Variants in TLR4 observed in about 807,000 individuals in gnomAD.
The protein encoded by TLR4 is toll like receptor 4.
TLR4 carries 17 observed loss-of-function variants against 27.4 expected under a neutral mutation model. That is an observed-to-expected ratio of 0.62 (90% CI 0.42 to 0.93). The LOEUF (loss-of-function observed/expected upper bound fraction) is 0.93, where lower values mean the gene tolerates loss of function less well. Ranked by LOEUF, TLR4 falls within the 40% of genes least tolerant of loss-of-function variation. TLR4 has a pLI of 0.00. For synonymous variants in TLR4, 363 were observed against 365.7 expected, an observed-to-expected ratio of 0.99 and a Z score of 0.08; for missense variants, 926 against 962.3, an observed-to-expected ratio of 0.96 and a Z score of 0.50.
At position 117,712,966 on chromosome 9, in the gene TLR4, CT is replaced by C. The variant is rs1829262809; in HGVS notation, c.839del (p.Leu280ArgfsTer4). The stretch of plus-strand genomic sequence containing the variant: ...GTTTGACAAATCTGCTCTAGAGGGC[CT>C]GTGCAATTTGACCATTGAAGAATTC... ...EKFDKSALEG[L>X]CNLTIEEFRL... On this transcript the variant is annotated frameshift_variant, in exon 3 of 3. Coordinates refer to ENST00000355622, the MANE Select transcript of TLR4 (RefSeq NM_138554.5). LOFTEE classifies it low-confidence loss of function (END_TRUNC). 1 of 1,613,948 alleles carries C rather than the reference CT, an allele frequency of 6.2e-7. No homozygotes were observed. The highest frequency in any genetic ancestry group is 1.3e-5 in the African/African-American group (1 of 74,906).
Position 117,712,664 on chromosome 9 carries a change from A to T in TLR4, c.536A>T (p.His179Leu). Reference protein sequence around the residue: ...EYFSNLTNLEHLDLSSNKIQS... With the variant: ...EYFSNLTNLELLDLSSNKIQS... ...TTTTCTAATCTGACCAATCTAGAGC[A>T]CTTGGACCTTTCCAGCAACAAGATT... Residue 179 changes from histidine to leucine, a missense_variant, in exon 3 of 3, where the codon CAC (histidine) becomes CTC (leucine). Physicochemically the swap from His to Leu is moderately conservative, Grantham distance 99. Coordinates refer to ENST00000355622, the MANE Select transcript of TLR4 (RefSeq NM_138554.5). The T allele has an allele frequency of 6.2e-7, 1 of 1,613,662 alleles. No individual in the cohort carries two copies. Among genetic ancestry groups the T allele is most frequent in the South Asian group, 1.1e-5 (1 of 90,652 alleles).
chr9:117,707,793 C>T (rs1430860575), intron 1 of TLR4, among the ~76,000 whole-genome samples: 1 of 152,202 alleles, frequency 6.6e-6, no homozygotes, highest in African/African-American at 2.4e-5. Context: ...ATGCAGTTGT[C>T]AAAATCTGGG....
intron 1 of TLR4, 38 bp downstream of exon 1, chr9:117,704,603 A>T (rs775597927): frequency 6.4e-7 from 1 of 1,569,648 alleles, no homozygotes; most frequent in Non-Finnish European, 8.8e-7. Flanking sequence ...ACTTTCCCTC[A>T]CTTCTGCCCA....
At position 117,720,031 on chromosome 9, in the gene TLR4, G is replaced by A. The variant is rs985003298; in HGVS notation, c.*5383G>A. ...CACAATAACATTTGCCGCACCTTCT[G>A]TATTTTTTTTAAGTTGCTAAGCTTT... On this transcript the variant is annotated 3_prime_UTR_variant, in exon 3 of 3. Transcript: ENST00000355622. 14 of 152,088 alleles carry A rather than the reference G, an allele frequency of 9.2e-5. No individual in the cohort carries two copies. Among genetic ancestry groups the A allele is most frequent in the African/African-American group, 3.1e-4 (13 of 41,398 alleles). The allele number at this position is 152,088 out of a possible 1,614,324, so 9.4% of individuals were successfully genotyped here.
chr9:117,720,661 C>G lies in TLR4; in HGVS notation c.*6013C>G, dbSNP rs1829412161. Reference sequence around the variant, plus strand: ...GTGTTGTATGCTCCTAGGAAACTATCTCACTATGTAATTAAATCAAAACCA... The same window carrying G: ...GTGTTGTATGCTCCTAGGAAACTATGTCACTATGTAATTAAATCAAAACCA... On this transcript the variant is annotated 3_prime_UTR_variant, in exon 3 of 3. Transcript: ENST00000355622. The G allele has an allele frequency of 6.6e-6, 1 of 152,172 alleles. No homozygotes were observed. Among genetic ancestry groups the G allele is most frequent in the Admixed American group, 6.5e-5 (1 of 15,282 alleles). The allele number at this position is 152,172 out of a possible 1,614,324, so 9.4% of individuals were successfully genotyped here.
chr9:117,708,433 G>T, intron 1 of TLR4, 130 bp from the exon 2 acceptor site: 1 of 1,568,212 alleles, frequency 6.4e-7, no homozygotes. Flanking sequence ...AGGATGGACA[G>T]ATGGATGAAA....
chr9:117,709,378 T>A (rs929166024), intron 2 of TLR4, among the ~76,000 whole-genome samples: 12 of 152,014 alleles, frequency 7.9e-5, no homozygotes, highest in African/African-American at 2.9e-4. Context: ...TTAAAACTAG[T>A]GTACAGGATA....
At chr9:117,711,550 A>C (rs1320537263) in intron 2 of TLR4, among the ~76,000 whole-genome samples, 3 of 151,818 alleles carry the variant, frequency 2.0e-5, no homozygotes, top group African/African-American at 7.3e-5. Flanking sequence ...CATATTGTAC[A>C]CTCCAATTTC....
chr9:117,714,592 A>C lies in TLR4; in HGVS notation c.2464A>C (p.Asn822His). 6.2e-7 allele frequency: 1 copy of C among 1,613,742 alleles called. No individual in the cohort carries two copies. Among genetic ancestry groups the C allele is most frequent in the Non-Finnish European group, 8.5e-7 (1 of 1,179,978 alleles). The part of the protein sequence containing the change: ...RKALLDGKSW[N>H]PEGTVGTGCN... Reference sequence around the variant, plus strand: ...AGCCCTGCTGGATGGTAAATCATGGAATCCAGAAGGAACAGTGGGTACAGG... The same window carrying C: ...AGCCCTGCTGGATGGTAAATCATGGCATCCAGAAGGAACAGTGGGTACAGG... Residue 822 changes from asparagine to histidine, a missense_variant, in exon 3 of 3, where the codon AAT becomes CAT. Transcript: ENST00000355622.
At position 117,713,918 on chromosome 9, in the gene TLR4, A is replaced by G; in HGVS notation, c.1790A>G (p.Gln597Arg). The change falls in exon 3 of 3, where the codon CAG (glutamine) becomes CGG (arginine). Residue 597 changes from glutamine (Q) to arginine (R), a missense_variant. Transcript: ENST00000355622. ...HQSFLQWIKD[Q>R]RQLLVEVERM... The stretch of plus-strand genomic sequence containing the variant: ...AGTTTCCTGCAATGGATCAAGGACC[A>G]GAGGCAGCTCTTGGTGGAAGTTGAA... The G allele has an allele frequency of 1.2e-6, 2 of 1,614,072 alleles. No homozygotes were observed. Among genetic ancestry groups the G allele is most frequent in the Non-Finnish European group, 1.7e-6 (2 of 1,180,006 alleles).
At position 117,712,994 on chromosome 9, in the gene TLR4, G is replaced by T. The variant is rs200276033; in HGVS notation, c.866G>T (p.Arg289Leu). The change falls in exon 3 of 3, where the codon CGA becomes CTA. Residue 289 changes from arginine (R) to leucine (L), a missense_variant. Transcript: ENST00000355622. ...TGCAATTTGACCATTGAAGAATTCCGATTAGCATACTTAGACTACTACCTC... is the reference window on the plus strand; with the variant it reads ...TGCAATTTGACCATTGAAGAATTCCTATTAGCATACTTAGACTACTACCTC... ...GLCNLTIEEF[R>L]LAYLDYYLDD... is the part of the protein sequence containing the mutation. 5 of 1,613,922 alleles carry T rather than the reference G, an allele frequency of 3.1e-6. No homozygotes were observed. In the Admixed American group the frequency reaches 5.0e-5, roughly 16 times the overall value.
chr9:117,718,105 A>G lies in TLR4; in HGVS notation c.*3457A>G, dbSNP rs1011474438. The G allele has an allele frequency of 2.6e-5, 4 of 152,224 alleles. No individual in the cohort carries two copies. Among genetic ancestry groups the G allele is most frequent in the African/African-American group, 9.6e-5 (4 of 41,462 alleles). The allele number at this position is 152,224 out of a possible 1,614,324, so 9.4% of individuals were successfully genotyped here. ...CATTAGCTGAGTAAGGTAGCAAATC[A>G]TAATTAACTTTTTCCATTTTATTGA... On this transcript the variant is annotated 3_prime_UTR_variant, in exon 3 of 3. Transcript: ENST00000355622.
chr9:117,704,532 C>G lies in TLR4; in HGVS notation c.60C>G (p.Cys20Trp). ...TCCCAGCCATGGCCTTCCTCTCCTG[C>G]GTGAGACCAGAAAGCTGGGAGCCCT... ...TLIPAMAFLS[C>W]VRPESWEPCV... Residue 20 changes from cysteine (C) to tryptophan (W), a missense_variant, in exon 1 of 3, where the codon TGC becomes TGG. Cys to Trp is a radical substitution (Grantham distance 215, BLOSUM62 -2). Transcript: ENST00000355622. 1 of 1,613,872 alleles carries G rather than the reference C, an allele frequency of 6.2e-7. No individual in the cohort carries two copies. Among genetic ancestry groups the G allele is most frequent in the East Asian group, 2.2e-5 (1 of 44,836 alleles).
At position 117,718,924 on chromosome 9, in the gene TLR4, G is replaced by A. The variant is rs1227915627; in HGVS notation, c.*4276G>A. On this transcript the variant is annotated 3_prime_UTR_variant, in exon 3 of 3. Transcript: ENST00000355622. ...TCATTCTCTACTCACGGGATTGTCA[G>A]ACCCCAGTCTTCTTCTGGACTCTAT... 6.6e-6 allele frequency: 1 copy of A among 152,332 alleles called. No homozygotes were observed. The highest frequency in any genetic ancestry group is 1.5e-5 in the Non-Finnish European group (1 of 68,032). The allele number at this position is 152,332 out of a possible 1,614,324, so 9.4% of individuals were successfully genotyped here.
In TLR4 at chr9:117,721,917, C is replaced by G. The variant is rs1215273609; in HGVS notation, c.*7269C>G. ...TTCTTCTCAATCCCACTAGATCAGA[C>G]TCTTTGGGATACTAGGATTGGCCTA... On this transcript the variant is annotated 3_prime_UTR_variant, in exon 3 of 3. Transcript: ENST00000355622. 1 of 152,178 alleles carries G rather than the reference C, an allele frequency of 6.6e-6. No homozygotes were observed. The highest frequency in any genetic ancestry group is 1.5e-5 in the Non-Finnish European group (1 of 68,028). The allele number at this position is 152,178 out of a possible 1,614,324, so 9.4% of individuals were successfully genotyped here. A position where few individuals can be genotyped will look rare whatever the true frequency, so the allele number is the denominator to read the frequency against.
At chr9:117,707,249 A>G (rs1338219643) in intron 1 of TLR4, among the ~76,000 whole-genome samples, 1 of 152,228 alleles carries the variant, frequency 6.6e-6, no homozygotes, top group Non-Finnish European at 1.5e-5. Context: ...TTAAGCAGAC[A>G]TACGAATGAA....
Position 117,715,192 on chromosome 9 carries a change from C to CGG in TLR4, c.*544_*545insGG. 3 of 160,118 alleles carry CGG rather than the reference C, an allele frequency of 1.9e-5. No individual in the cohort carries two copies. Among genetic ancestry groups the CGG allele is most frequent in the Admixed American group, 5.8e-5 (1 of 17,096 alleles). 9.9% of individuals were successfully genotyped at this position (160,118 alleles called of 1,614,324 possible). A position where few individuals can be genotyped will look rare whatever the true frequency, so the allele number is the denominator to read the frequency against. ...GTCTAGTGGCTAATTCCTAAGGAAA[C>CGG]CTGATTAACACATGCTCACAACCAT... On this transcript the variant is annotated 3_prime_UTR_variant, in exon 3 of 3. Coordinates refer to ENST00000355622, the MANE Select transcript of TLR4 (RefSeq NM_138554.5).
rs1393767444 is a variant in TLR4 at position 117,716,047 on chromosome 9, T to G, written c.*1399T>G. 1 of 152,090 alleles carries G rather than the reference T, an allele frequency of 6.6e-6. No individual in the cohort carries two copies. Among genetic ancestry groups the G allele is most frequent in the Non-Finnish European group, 1.5e-5 (1 of 68,024 alleles). The allele number at this position is 152,090 out of a possible 1,614,324, so 9.4% of individuals were successfully genotyped here. On this transcript the variant is annotated 3_prime_UTR_variant, in exon 3 of 3. Coordinates refer to ENST00000355622, the MANE Select transcript of TLR4 (RefSeq NM_138554.5). ...ACCTTATACCAGGTAGAATGGCTACTATAAAAAAATGAAGTGTCATCAAGG... is the reference window on the plus strand; with the variant it reads ...ACCTTATACCAGGTAGAATGGCTACGATAAAAAAATGAAGTGTCATCAAGG...
Position 117,713,785 on chromosome 9 carries a change from C to A in TLR4, c.1657C>A (p.Leu553Ile). The A allele has an allele frequency of 1.9e-6, 3 of 1,613,986 alleles. No homozygotes were observed. The highest frequency in any genetic ancestry group is 8.5e-7 in the Non-Finnish European group (1 of 1,179,996). Residue 553 changes from leucine to isoleucine, a missense_variant, in exon 3 of 3, where the codon CTC becomes ATC. Physicochemically the swap from Leu to Ile is conservative, Grantham distance 5. Coordinates refer to ENST00000355622, the MANE Select transcript of TLR4 (RefSeq NM_138554.5). ...LNSLQVLDYS[L>I]NHIMTSKKQE... ...CTCCCTCCAGGTTCTTGATTACAGTCTCAATCACATAATGACTTCCAAAAA... is the reference window on the plus strand; with the variant it reads ...CTCCCTCCAGGTTCTTGATTACAGTATCAATCACATAATGACTTCCAAAAA...
Sources: gnomAD v4.1 joint callset for allele counts (sites outside exome capture counted in the v4.1 genomes callset) on GRCh38, gnomAD v4.1.1 for gene constraint, MANE v1.5 for transcripts, NCBI Gene and HGNC (gene_info 2026-07-23, HGNC 2026-07-21) for gene names.